Variants in PFKFB1 observed in about 807,000 individuals in gnomAD.
PFKFB1 encodes 6-phosphofructo-2-kinase/fructose-2,6-biphosphatase 1.
PFKFB1 carries 34 observed loss-of-function variants against 46.4 expected under a neutral mutation model. The observed-to-expected ratio is 0.73, with a 90% CI of 0.56 to 0.98. The LOEUF is 0.98. Ranked by LOEUF, PFKFB1 falls within the 50% of genes least tolerant of loss-of-function variation. The pLI is 0.00. For missense variants in PFKFB1, 393 were observed against 376.3 expected, an observed-to-expected ratio of 1.04 and a Z score of -0.37; for synonymous variants, 119 against 133.8, an observed-to-expected ratio of 0.89 and a Z score of 0.76.
intron 1 of PFKFB1, among the ~76,000 whole-genome samples, chrX:54,987,973 G>T (rs1935148265): frequency 9.0e-6 from 1 of 111,177 alleles, no homozygotes; most frequent in South Asian, 3.7e-4. Context: ...CAACATTCTA[G>T]TAGAGGTTAT....
rs1569547465 is a variant in PFKFB1, at chrX:54,993,187, C to T, written c.97+724G>A. 1.8e-5 allele frequency among the ~76,000 whole-genome samples: 2 copies of T among 112,102 alleles called. 1 individual carries two copies. The highest frequency in any genetic ancestry group is 1.9e-4 in the Admixed American group (2 of 10,628). On this transcript the variant is annotated intron_variant, in intron 1 of 13. Coordinates refer to ENST00000375006, the MANE Select transcript of PFKFB1 (RefSeq NM_002625.4). ...CGCCTGTTATCTATGGGAAATGGTA[C>T]ACTCCAGATTTTGTTTTAAATATGT... is the stretch of plus-strand genomic sequence containing the variant.
At chrX:54,976,620 C>G (rs1934846125) in intron 1 of PFKFB1, among the ~76,000 whole-genome samples, 1 of 111,266 alleles carries the variant, frequency 9.0e-6, no homozygotes, top group South Asian at 3.7e-4. Context: ...GACATATGAC[C>G]TAGCATTTTC....
chrX:54,994,523 C>T, upstream of PFKFB1: 2 of 754,518 alleles, frequency 2.7e-6, no homozygotes, highest in Non-Finnish European at 3.1e-6. Flanking sequence ...GAATGTCAAG[C>T]TCCAACCCAG....
intron 4 of PFKFB1, among the ~76,000 whole-genome samples, chrX:54,959,531 T>C (rs945144843): frequency 1.8e-5 from 2 of 111,798 alleles, no homozygotes; most frequent in African/African-American, 6.5e-5. Context: ...TGGTAGTGTA[T>C]AGTGGTTAAG....
Position 54,951,912 on chromosome X carries a change from C to T in PFKFB1, c.839G>A (p.Gly280Asp). ...IGGDSGLSVRGKQYAYALANF... is the reference protein window; with the variant it reads ...IGGDSGLSVRDKQYAYALANF... ...GTGTGTGGCCCACCCTACCTGCTTGCCGCGAACTGAGAGGCCAGAGTCACC... is the reference window on the plus strand; with the variant it reads ...GTGTGTGGCCCACCCTACCTGCTTGTCGCGAACTGAGAGGCCAGAGTCACC... The change falls in exon 8 of 14, where the codon GGC becomes GAC. Residue 280 changes from glycine to aspartate, a missense_variant. Transcript: ENST00000375006. 1.7e-6 allele frequency: 2 copies of T among 1,194,968 alleles called. No homozygotes were observed. Among genetic ancestry groups the T allele is most frequent in the Non-Finnish European group, 1.1e-6 (1 of 886,399 alleles).
intron 1 of PFKFB1, among the ~76,000 whole-genome samples, chrX:54,981,044 T>G (rs1000844985): frequency 9.0e-6 from 1 of 110,953 alleles, no homozygotes; most frequent in Non-Finnish European, 1.9e-5. Context: ...GGTGATGAGA[T>G]AATTAATGAA....
intron 1 of PFKFB1, among the ~76,000 whole-genome samples, chrX:54,966,053 TGAAAA>T (rs1180581491): frequency 3.6e-5 from 4 of 110,827 alleles, no homozygotes; most frequent in African/African-American, 1.3e-4. Context: ...ACAAATATAA[TGAAAA>T]GAAAACAGAA....
At chrX:54,975,348 G>A (rs1934809687) in intron 1 of PFKFB1, among the ~76,000 whole-genome samples, 1 of 111,247 alleles carries the variant, frequency 9.0e-6, no homozygotes, top group Non-Finnish European at 1.9e-5. Flanking sequence ...GATGGAGATG[G>A]TGGCCATTTT....
chrX:54,960,248 A>T (rs1336207238), intron 3 of PFKFB1, among the ~76,000 whole-genome samples: 1 of 112,757 alleles, frequency 8.9e-6, no homozygotes, highest in African/African-American at 3.2e-5. Flanking sequence ...TGGTCTGTGA[A>T]GTAAAAGGCA....
chrX:54,990,965 A>G lies in PFKFB1; in HGVS notation c.97+2946T>C, dbSNP rs758520799. ...GTCTTTAACCTATTAAATGATATCT[A>G]CCAAAAAAACTACAGCAAATTTGCT... On this transcript the variant is annotated intron_variant, in intron 1 of 13. Coordinates refer to ENST00000375006, the MANE Select transcript of PFKFB1 (RefSeq NM_002625.4). Among the ~76,000 whole-genome samples the G allele has an allele frequency of 1.2e-4, 14 of 112,317 alleles. 1 individual carries two copies. Among genetic ancestry groups the G allele is most frequent in the South Asian group, 3.6e-4 (1 of 2,754 alleles).
At chrX:54,965,092 AG>A (rs1193857109) in intron 1 of PFKFB1, among the ~76,000 whole-genome samples, 1 of 111,962 alleles carries the variant, frequency 8.9e-6, no homozygotes, top group African/African-American at 3.2e-5. Context: ...GAACACAAGA[AG>A]GGGAAGAAAG....
chrX:54,994,128 G>T lies in PFKFB1; in HGVS notation c.-121C>A. The T allele has an allele frequency of 9.1e-7, 1 of 1,104,672 alleles. No homozygotes were observed. Among genetic ancestry groups the T allele is most frequent in the Non-Finnish European group, 1.2e-6 (1 of 844,598 alleles). The allele number at this position is 1,104,672 out of a possible 1,213,427, so 91.0% of individuals were successfully genotyped here. ...GCAGGTGGACAGGGCTGGGACAGGGGGTGTACTGGGTTTCTGAGCCCTCTC... is the reference window on the plus strand; with the variant it reads ...GCAGGTGGACAGGGCTGGGACAGGGTGTGTACTGGGTTTCTGAGCCCTCTC... On this transcript the variant is annotated 5_prime_UTR_variant, in exon 1 of 14. Coordinates refer to ENST00000375006, the MANE Select transcript of PFKFB1 (RefSeq NM_002625.4).
intron 11 of PFKFB1, among the ~76,000 whole-genome samples, chrX:54,935,732 G>A (rs1016070389): frequency 4.5e-5 from 5 of 111,341 alleles, no homozygotes; most frequent in Non-Finnish European, 9.4e-5. Flanking sequence ...ACCCTGTGAG[G>A]CCAGAATGCA....
chrX:54,938,168 G>A (rs1205604820), intron 10 of PFKFB1, among the ~76,000 whole-genome samples: 1 of 112,122 alleles, frequency 8.9e-6, no homozygotes, highest in Non-Finnish European at 1.9e-5. Flanking sequence ...TTTAAAAACC[G>A]TACGGAAGTA....
At chrX:54,960,719 G>C (rs1602199452) in intron 3 of PFKFB1, 105 bp downstream of exon 3, 1 of 426,123 alleles carries the variant, frequency 2.3e-6, no homozygotes, top group Non-Finnish European at 4.2e-6. Flanking sequence ...AGAGTCTAGA[G>C]GGCCTCCTTT....
intron 10 of PFKFB1, among the ~76,000 whole-genome samples, chrX:54,941,953 C>T (rs908403414): frequency 3.6e-5 from 4 of 111,952 alleles, no homozygotes; most frequent in African/African-American, 1.3e-4. Flanking sequence ...CGTATGTTTA[C>T]TGTGGCACTA....
rs766197293 is a variant in PFKFB1, at chrX:54,937,066, A to T, written c.1228+529T>A. 9.0e-5 allele frequency among the ~76,000 whole-genome samples: 10 copies of T among 110,666 alleles called. No individual in the cohort carries two copies. The South Asian group carries it at 3.5e-3, about 38-fold the overall frequency. ...AAATGCAATGCCTACATATTTTTTT[A>T]AAAATAAATTATCATTTGAAAAACA... is the stretch of plus-strand genomic sequence containing the variant. On this transcript the variant is annotated intron_variant, in intron 11 of 13. Coordinates refer to ENST00000375006, the MANE Select transcript of PFKFB1 (RefSeq NM_002625.4).
chrX:54,957,025 A>G (rs745843243), intron 6 of PFKFB1, among the ~76,000 whole-genome samples: 6 of 111,695 alleles, frequency 5.4e-5, no homozygotes, highest in African/African-American at 1.9e-4. Context: ...GCCCTTCTAC[A>G]TTTTGTCATA....
chrX:54,997,285 G>A (rs1185649791), upstream of PFKFB1, among the ~76,000 whole-genome samples: 1 of 111,880 alleles, frequency 8.9e-6, no homozygotes, highest in East Asian at 2.8e-4. Context: ...GACAGAAACA[G>A]ATAAAAGAAT....
Sources: allele counts gnomAD v4.1 joint callset (sites outside exome capture counted in the v4.1 genomes callset), GRCh38; gene constraint gnomAD v4.1.1; transcripts MANE v1.5; gene names NCBI Gene and HGNC (gene_info 2026-07-23, HGNC 2026-07-21).